The following VPS8 variants were observed in gnomAD, a reference collection of about 807,000 sequenced individuals.
VPS8 encodes the protein vacuolar protein sorting-associated protein 8 homolog.
In VPS8, 129 loss-of-function variants were observed where a neutral mutation model predicts 216.4. That is an observed-to-expected ratio of 0.60 (90% confidence interval 0.52 to 0.69). The LOEUF (loss-of-function observed/expected upper bound fraction) is 0.69. VPS8 is among the 30% of genes least tolerant of loss of function. VPS8 has a pLI of 0.00. For synonymous variants in VPS8, 571 were observed against 565.4 expected, an observed-to-expected ratio of 1.01 and a Z score of -0.14; for missense variants, 1,531 against 1,683.5, an observed-to-expected ratio of 0.91 and a Z score of 1.59.
Position 184,930,607 on chromosome 3 carries a change from G to A in VPS8, c.2898+39G>A, listed in dbSNP as rs374167384. ...AAACTTCACACTTCACCATCTGAAC[G>A]ATCATCTAACCCAAGTTAACTTTAT... On this transcript the variant is annotated intron_variant, in intron 34 of 47. Coordinates refer to ENST00000625842, the MANE Select transcript of VPS8 (RefSeq NM_001009921.3). 7.6e-5 allele frequency: 112 copies of A among 1,468,658 alleles called. No homozygotes were observed. The African/African-American group carries it at 1.3e-3, about 17-fold the overall frequency. 91.0% of individuals were successfully genotyped at this position (1,468,658 alleles called of 1,614,324 possible). A position where few individuals can be genotyped will look rare whatever the true frequency, so the allele number is the denominator to read the frequency against.
At chr3:184,826,278 C>T in intron 3 of VPS8, 47 bp downstream of exon 3, 1 of 1,506,446 alleles carries the variant, frequency 6.6e-7, no homozygotes. Flanking sequence ...TGGCATTCAT[C>T]TTAATACTTT....
rs78607377 is a variant in VPS8, at chr3:184,834,645, T to C, written c.354-4T>C. ...TTTTAAATGTTTTTCTTTTTTTTTT[T>C]CAGGAAGAAGAAATTACCTGATTCT... On this transcript the variant is annotated splice_region_variant and splice_polypyrimidine_tract_variant and intron_variant, in intron 4 of 47. Transcript: ENST00000625842. The C allele has an allele frequency of 2.9e-5, 44 of 1,526,832 alleles. No homozygotes were observed. Among genetic ancestry groups the C allele is most frequent in the Middle Eastern group, 3.4e-4 (2 of 5,860 alleles). 94.6% of individuals were successfully genotyped at this position (1,526,832 alleles called of 1,614,324 possible). A position where few individuals can be genotyped will look rare whatever the true frequency, so the allele number is the denominator to read the frequency against.
At chr3:184,939,954 G>A (rs1742356812) in intron 35 of VPS8, among the ~76,000 whole-genome samples, 1 of 152,076 alleles carries the variant, frequency 6.6e-6, no homozygotes, top group African/African-American at 2.4e-5. Flanking sequence ...TCTGTTTTGG[G>A]CGATAATAGG....
In VPS8 at chr3:185,052,042, G is replaced by A. The variant is rs1249388968; in HGVS notation, c.*17G>A. 6.2e-7 allele frequency: 1 copy of A among 1,604,274 alleles called. No homozygotes were observed. The highest frequency in any genetic ancestry group is 8.5e-7 in the Non-Finnish European group (1 of 1,175,442). On this transcript the variant is annotated 3_prime_UTR_variant, in exon 48 of 48. Transcript: ENST00000625842. ...GAGGATTGATGACTCCATGGAGCCT[G>A]GCCCAGGAGAACCAGAGATGATCCC...
chr3:184,974,162 C>T (rs1748880849), intron 40 of VPS8, among the ~76,000 whole-genome samples: 6 of 152,170 alleles, frequency 3.9e-5, no homozygotes, highest in Admixed American at 3.9e-4. Flanking sequence ...TTTACATGCT[C>T]ACCAACCATG....
chr3:184,903,743 C>T, intron 25 of VPS8, among the ~76,000 whole-genome samples: 1 of 152,166 alleles, frequency 6.6e-6, no homozygotes, highest in East Asian at 1.9e-4. Context: ...CCACTGTACC[C>T]AGCTTATTTT....
intron 46 of VPS8, among the ~76,000 whole-genome samples, chr3:185,046,449 T>C (rs1712932317): frequency 6.6e-6 from 1 of 152,200 alleles, no homozygotes; most frequent in Admixed American, 6.5e-5. Context: ...GGTGCCCACC[T>C]CTTCCCTGGA....
intron 34 of VPS8, among the ~76,000 whole-genome samples, chr3:184,933,972 A>G (rs183099743): frequency 1.4e-3 from 213 of 152,296 alleles, no homozygotes; most frequent in African/African-American, 5.0e-3. Flanking sequence ...ATCAAGTTCC[A>G]CCAAAATTTT....
chr3:185,012,115 A>G (rs1176753901), intron 45 of VPS8, among the ~76,000 whole-genome samples: 1 of 151,664 alleles, frequency 6.6e-6, no homozygotes, highest in African/African-American at 2.4e-5. Context: ...TAACTGAAGC[A>G]CAGAGGCAAA....
chr3:185,012,272 G>A (rs913501389), intron 45 of VPS8, among the ~76,000 whole-genome samples: 1 of 146,522 alleles, frequency 6.8e-6, no homozygotes. Flanking sequence ...GATATATAAT[G>A]TACATATATC....
intron 21 of VPS8, among the ~76,000 whole-genome samples, chr3:184,880,406 CAT>C (rs1356894648): frequency 2.0e-5 from 3 of 152,008 alleles, no homozygotes; most frequent in African/African-American, 7.2e-5. Flanking sequence ...TAAATGGAAT[CAT>C]AGAGTGTGTA....
intron 21 of VPS8, among the ~76,000 whole-genome samples, chr3:184,875,083 G>A (rs1729011472): frequency 8.1e-6 from 1 of 123,266 alleles, no homozygotes; most frequent in South Asian, 2.5e-4. Context: ...TTTTTGCTCA[G>A]TGGGAAGGTC....
At chr3:185,002,396 C>T (rs1246119129) in intron 45 of VPS8, among the ~76,000 whole-genome samples, 1 of 152,166 alleles carries the variant, frequency 6.6e-6, no homozygotes, top group Non-Finnish European at 1.5e-5. Context: ...CACTGAATTT[C>T]TTCCTACCTT....
chr3:184,995,733 G>T (rs1752529362), intron 43 of VPS8, among the ~76,000 whole-genome samples: 1 of 152,172 alleles, frequency 6.6e-6, no homozygotes, highest in Non-Finnish European at 1.5e-5. Flanking sequence ...TGTGATAGCT[G>T]TTAAAATGTC....
At chr3:185,020,218 A>G (rs1756448474) in intron 45 of VPS8, among the ~76,000 whole-genome samples, 1 of 152,250 alleles carries the variant, frequency 6.6e-6, no homozygotes, top group Non-Finnish European at 1.5e-5. Flanking sequence ...TAAATTAGTT[A>G]TGGTATGTCT....
Position 184,936,278 on chromosome 3 carries a change from G to A in VPS8, c.2931G>A (p.Ala977=), listed in dbSNP as rs763070272. ...ELVSLKPCKA[A]ELVATHFSGH... The stretch of plus-strand genomic sequence containing the variant: ...TGTCCCTGAAGCCTTGTAAAGCTGC[G>A]GAGCTGGTTGCCACCCACTTTTCTG... The change falls in exon 35 of 48, where the codon GCG becomes GCA. Residue 977 remains alanine, a synonymous_variant. Transcript: ENST00000625842. 7.4e-6 allele frequency: 12 copies of A among 1,611,312 alleles called. No homozygotes were observed. The highest frequency in any genetic ancestry group is 2.7e-5 in the African/African-American group (2 of 74,856).
At chr3:185,047,365 AAAACAAAC>A (rs76017726) in intron 46 of VPS8, among the ~76,000 whole-genome samples, 1 of 151,872 alleles carries the variant, frequency 6.6e-6, no homozygotes, top group South Asian at 2.1e-4. Flanking sequence ...CATGTGAGCA[AAAACAAAC>A]AAACAAGCAA....
At position 184,922,937 on chromosome 3, in the gene VPS8, G is replaced by GAGGGAATTCTCATATATATA. The variant is rs1413565160; in HGVS notation, c.2455-1924_2455-1905dup. Among the ~76,000 whole-genome samples, 1,294 of 151,900 alleles carry GAGGGAATTCTCATATATATA rather than the reference G, an allele frequency of 8.5e-3. 22 individuals carry two copies. The highest frequency in any genetic ancestry group is 0.028 in the African/African-American group (1,162 of 41,248). ...CCAATTAGACACTTGCTGAGTTGAT[G>GAGGGAATTCTCATATATATA]AGGGAATTCTCATATATATATAAGA... On this transcript the variant is annotated intron_variant, in intron 29 of 47. Coordinates refer to ENST00000625842, the MANE Select transcript of VPS8 (RefSeq NM_001009921.3).
At chr3:184,906,758 T>C (rs1339970456) in intron 25 of VPS8, among the ~76,000 whole-genome samples, 2 of 152,184 alleles carry the variant, frequency 1.3e-5, no homozygotes, top group East Asian at 3.9e-4. Flanking sequence ...TGGATCATTG[T>C]TCAGAGGCAG....
Sources: gnomAD v4.1 joint callset for allele counts (sites outside exome capture counted in the v4.1 genomes callset) on GRCh38, gnomAD v4.1.1 for gene constraint, MANE v1.5 for transcripts, NCBI Gene and HGNC (gene_info 2026-07-23, HGNC 2026-07-21) for gene names.